CFHR2: variants seen among roughly 807,000 people sequenced by gnomAD.
The protein encoded by CFHR2 is complement factor H related 2.
Under a neutral mutation model 21.7 loss-of-function variants are expected in CFHR2, and 22 were observed. The ratio of observed to expected loss-of-function variants is 1.01; its 90% CI spans 0.72 to 1.45. CFHR2 has a LOEUF of 1.45. CFHR2 is among the 40% of genes most tolerant of loss of function. CFHR2 has a pLI of 0.00. For missense variants in CFHR2, 294 were observed against 293.3 expected (o/e 1.00, Z -0.02); for synonymous variants, 98 against 97.4 (o/e 1.01, Z -0.04).
rs753123224 is a variant in CFHR2 at position 196,957,973 on chromosome 1, T to C, written c.513T>C (p.Gly171=). The change falls in exon 4 of 5, where the codon GGT becomes GGC. Residue 171 remains glycine, a synonymous_variant. Coordinates refer to ENST00000367415, the MANE Select transcript of CFHR2 (RefSeq NM_005666.4). ...TSFLLSVYAP[G]SSVEYQCQNL... ...TCCTGTTGTCAGTATATGCTCCAGG[T>C]TCATCAGTTGAGTACCAGTGCCAGA... 3.1e-6 allele frequency: 5 copies of C among 1,613,680 alleles called. No homozygotes were observed. In the Admixed American group the frequency reaches 6.7e-5, roughly 22 times the overall value.
At chr1:196,953,348 T>A (rs898888841) in intron 3 of CFHR2, among the ~76,000 whole-genome samples, 3 of 152,110 alleles carry the variant, frequency 2.0e-5, no homozygotes, top group Non-Finnish European at 2.9e-5. Context: ...AATGGTGGGA[T>A]CTTGGCTCCC....
intron 3 of CFHR2, among the ~76,000 whole-genome samples, chr1:196,957,583 T>C (rs1326287068): frequency 1.3e-5 from 2 of 152,180 alleles, no homozygotes; most frequent in Non-Finnish European, 2.9e-5. Context: ...GAATTTAAAA[T>C]AAGAAACTTT....
At position 196,959,514 on chromosome 1, in the gene CFHR2, G is replaced by A. The variant is rs1048991265; in HGVS notation, c.*434G>A. 4.6e-5 allele frequency among the ~76,000 whole-genome samples: 7 copies of A among 151,878 alleles called. No homozygotes were observed. The highest frequency in any genetic ancestry group is 4.1e-4 in the South Asian group (2 of 4,820). ...GTAACTGAAGGAATTATATCTAGACGTTACCCCAGGTATCTTGAAATGTCA... is the reference window on the plus strand; with the variant it reads ...GTAACTGAAGGAATTATATCTAGACATTACCCCAGGTATCTTGAAATGTCA... On this transcript the variant is annotated 3_prime_UTR_variant, in exon 5 of 5. Transcript: ENST00000367415.
At chr1:196,946,184 G>A (rs1022075882) in intron 1 of CFHR2, among the ~76,000 whole-genome samples, 154 of 152,306 alleles carry the variant, frequency 1.0e-3, no homozygotes, top group African/African-American at 3.5e-3. Flanking sequence ...GAATGTGATG[G>A]CTTAGAACAT....
chr1:196,947,307 C>T (rs1659542107), intron 1 of CFHR2, among the ~76,000 whole-genome samples: 1 of 152,064 alleles, frequency 6.6e-6, no homozygotes, highest in Admixed American at 6.6e-5. Context: ...ACAATGAATA[C>T]TTGATGAATG....
At chr1:196,948,806 T>G (rs2125005493) in intron 1 of CFHR2, among the ~76,000 whole-genome samples, 1 of 152,244 alleles carries the variant, frequency 6.6e-6, no homozygotes, top group Non-Finnish European at 1.5e-5. Context: ...AATATATAAA[T>G]ACAAATATAC....
At chr1:196,946,976 G>A (rs1357507502) in intron 1 of CFHR2, among the ~76,000 whole-genome samples, 1 of 152,110 alleles carries the variant, frequency 6.6e-6, no homozygotes, top group African/African-American at 2.4e-5. Context: ...ACAAACATGT[G>A]AGTAATATAT....
At chr1:196,951,158 C>A in intron 3 of CFHR2, 130 bp downstream of exon 3, 1 of 1,153,636 alleles carries the variant, frequency 8.7e-7, no homozygotes, top group Non-Finnish European at 1.2e-6. Flanking sequence ...TCATTTGATT[C>A]TCAGTTCCAA....
At chr1:196,944,505 T>C (rs539407561) in intron 1 of CFHR2, among the ~76,000 whole-genome samples, 1 of 152,010 alleles carries the variant, frequency 6.6e-6, no homozygotes, top group African/African-American at 2.4e-5. Context: ...ATGTTGAGAA[T>C]GAAGTAATGT....
intron 1 of CFHR2, among the ~76,000 whole-genome samples, chr1:196,946,323 T>C (rs1659482632): frequency 6.6e-6 from 1 of 152,222 alleles, no homozygotes; most frequent in Non-Finnish European, 1.5e-5. Flanking sequence ...AGTTCTTCAG[T>C]GCTAATTACT....
At chr1:196,956,456 CA>C (rs1479198232) in intron 3 of CFHR2, among the ~76,000 whole-genome samples, 2 of 152,080 alleles carry the variant, frequency 1.3e-5, no homozygotes, top group African/African-American at 4.8e-5. Flanking sequence ...GTTTTCAGCT[CA>C]ATACTTTTTC....
At chr1:196,958,800 A>G (rs1354834191) in intron 4 of CFHR2, 81 bp from the exon 5 acceptor site, 5 of 876,098 alleles carry the variant, frequency 5.7e-6, no homozygotes, top group Non-Finnish European at 7.2e-6. Context: ...CAACCATCAT[A>G]TAACATTCTA....
At chr1:196,946,052 A>G (rs1260570098) in intron 1 of CFHR2, among the ~76,000 whole-genome samples, 1 of 152,076 alleles carries the variant, frequency 6.6e-6, no homozygotes, top group Non-Finnish European at 1.5e-5. Flanking sequence ...TCAATATAGC[A>G]AAGTACAATA....
chr1:196,951,077 A>T, intron 3 of CFHR2, 49 bp downstream of exon 3: 2 of 1,599,212 alleles, frequency 1.3e-6, no homozygotes, highest in Non-Finnish European at 1.7e-6. Flanking sequence ...TAAAGTGTAA[A>T]AGAAATAAAT....
At position 196,947,725 on chromosome 1, in the gene CFHR2, C is replaced by A. The variant is rs182011029; in HGVS notation, c.59-1730C>A. 7.7e-3 allele frequency among the ~76,000 whole-genome samples: 1,166 copies of A among 152,186 alleles called. 19 individuals carry two copies. The highest frequency in any genetic ancestry group is 0.027 in the African/African-American group (1,114 of 41,528). ...CTTATGCAACAGTACTATATTGCAA[C>A]AATATCTTGACATAAAAACAAAGAG... On this transcript the variant is annotated intron_variant, in intron 1 of 4. Coordinates refer to ENST00000367415, the MANE Select transcript of CFHR2 (RefSeq NM_005666.4).
chr1:196,954,677 CA>C (rs11406169), intron 3 of CFHR2, among the ~76,000 whole-genome samples: 5 of 151,192 alleles, frequency 3.3e-5, no homozygotes, highest in Non-Finnish European at 7.4e-5. Flanking sequence ...CACCTGGAAC[CA>C]AAAAAAAACC....
At chr1:196,950,800 A>G (rs1225428026) in intron 2 of CFHR2, 52 bp from the exon 3 acceptor site, 37 of 1,589,970 alleles carry the variant, frequency 2.3e-5, no homozygotes, top group Non-Finnish European at 3.0e-5. Context: ...ATGCAGTTGT[A>G]CTTTTTCTTT....
Position 196,955,801 on chromosome 1 carries a change from A to C in CFHR2, c.431-2090A>C, listed in dbSNP as rs537990165. On this transcript the variant is annotated intron_variant, in intron 3 of 4. Coordinates refer to ENST00000367415, the MANE Select transcript of CFHR2 (RefSeq NM_005666.4). Reference sequence around the variant, plus strand: ...AGCAGAGGCTGCAGTGAGCCGAGATAGTGCCACTGTACTGCAGTCTGGGTG... The same window carrying C: ...AGCAGAGGCTGCAGTGAGCCGAGATCGTGCCACTGTACTGCAGTCTGGGTG... 3.9e-5 allele frequency among the ~76,000 whole-genome samples: 6 copies of C among 152,238 alleles called. No individual in the cohort carries two copies. The South Asian group carries it at 1.2e-3, about 32-fold the overall frequency.
chr1:196,950,822 C>T, intron 2 of CFHR2, 30 bp from the exon 3 acceptor site: 1 of 1,610,534 alleles, frequency 6.2e-7, no homozygotes, highest in Non-Finnish European at 8.5e-7. Context: ...CTACTTCCAT[C>T]TTGTCTATTA....
Sources: allele counts gnomAD v4.1 joint callset (sites outside exome capture counted in the v4.1 genomes callset), GRCh38; gene constraint gnomAD v4.1.1; transcripts MANE v1.5; gene names NCBI Gene and HGNC (gene_info 2026-07-23, HGNC 2026-07-21).